The following PPFIA2 variants were observed in gnomAD, a reference collection of about 807,000 sequenced individuals.
PPFIA2 encodes the protein liprin-alpha-2.
A neutral mutation model predicts 175.5 loss-of-function variants in PPFIA2; 46 were observed. The observed-to-expected ratio is 0.26, with a 90% CI of 0.21 to 0.34. The LOEUF (loss-of-function observed/expected upper bound fraction) is 0.34. Among genes scored for constraint, PPFIA2 ranks in the 10% least tolerant of loss-of-function variants. The pLI is 1.00. For missense variants in PPFIA2, 1,179 were observed against 1,506.1 expected, an observed-to-expected ratio of 0.78 and a Z score of 3.60; for synonymous variants, 568 against 511.4, an observed-to-expected ratio of 1.11 and a Z score of -1.49.
chr12:81,328,800 T>C (rs1041699241), intron 21 of PPFIA2, among the ~76,000 whole-genome samples: 1 of 144,678 alleles, frequency 6.9e-6, no homozygotes, highest in African/African-American at 2.6e-5. Flanking sequence ...TGTTTCTTTT[T>C]TCTTTTTTTC....
intron 3 of PPFIA2, among the ~76,000 whole-genome samples, chr12:81,709,358 T>G (rs2077595499): frequency 6.6e-6 from 1 of 152,134 alleles, no homozygotes; most frequent in South Asian, 2.1e-4. Context: ...CATCATCAAA[T>G]TTTGATTTAT....
chr12:81,499,100 G>A lies in PPFIA2; in HGVS notation c.304-41234C>T, dbSNP rs145996501. Among the ~76,000 whole-genome samples, 259 of 152,296 alleles carry A rather than the reference G, an allele frequency of 1.7e-3. 2 individuals carry two copies. The highest frequency in any genetic ancestry group is 6.1e-3 in the African/African-American group (253 of 41,574). Reference sequence around the variant, plus strand: ...GTGCTGCAAGAATGTCAATACTTCTGCCACATTAATCTTTGCAGGCTTGCC... The same window carrying A: ...GTGCTGCAAGAATGTCAATACTTCTACCACATTAATCTTTGCAGGCTTGCC... On this transcript the variant is annotated intron_variant, in intron 4 of 32. Transcript: ENST00000549396.
At chr12:81,620,461 A>G (rs1297245213) in intron 4 of PPFIA2, among the ~76,000 whole-genome samples, 2 of 152,114 alleles carry the variant, frequency 1.3e-5, no homozygotes, top group African/African-American at 2.4e-5. Context: ...TAATTAAACT[A>G]TAACTAAAAC....
At chr12:81,417,886 C>T (rs1416565643) in intron 7 of PPFIA2, among the ~76,000 whole-genome samples, 1 of 151,734 alleles carries the variant, frequency 6.6e-6, no homozygotes, top group East Asian at 1.9e-4. Flanking sequence ...TCACTGTAGA[C>T]AGGACACTCT....
intron 4 of PPFIA2, among the ~76,000 whole-genome samples, chr12:81,497,523 T>C (rs2060146893): frequency 6.7e-6 from 1 of 149,662 alleles, no homozygotes; most frequent in African/African-American, 2.4e-5. Flanking sequence ...CCCTATTTCA[T>C]TGATGTCTTT....
At chr12:81,624,533 G>A (rs2062457463) in intron 4 of PPFIA2, among the ~76,000 whole-genome samples, 1 of 144,470 alleles carries the variant, frequency 6.9e-6, no homozygotes. Context: ...TATTACATAT[G>A]TATAACACAT....
rs1208897175 is a variant in PPFIA2 at position 81,642,782 on chromosome 12, TATAC to T, written c.303+34005_303+34008del. ...TACATGTATATGTATGTATGTATTA[TATAC>T]ATACATGTATATGTATGTATGTATT... On this transcript the variant is annotated intron_variant, in intron 4 of 32. Transcript: ENST00000549396. Among the ~76,000 whole-genome samples, 12 of 90,880 alleles carry T rather than the reference TATAC, an allele frequency of 1.3e-4. 5 individuals carry two copies. Among genetic ancestry groups the T allele is most frequent in the Non-Finnish European group, 2.3e-4 (11 of 47,412 alleles). 59.6% of individuals were successfully genotyped at this position (90,880 alleles called of 152,430 possible).
intron 21 of PPFIA2, among the ~76,000 whole-genome samples, chr12:81,328,387 A>C (rs7976691): frequency 6.6e-6 from 1 of 151,990 alleles, no homozygotes; most frequent in Non-Finnish European, 1.5e-5. Flanking sequence ...ATGTATTGTA[A>C]GTGTAAAATA....
At chr12:81,443,191 A>G (rs2050549978) in intron 6 of PPFIA2, among the ~76,000 whole-genome samples, 2 of 151,916 alleles carry the variant, frequency 1.3e-5, no homozygotes, top group Non-Finnish European at 2.9e-5. Context: ...TGCATATCAG[A>G]TCATATCTAA....
Position 81,754,174 on chromosome 12 carries a change from G to A in PPFIA2, c.48C>T (p.Ser16=). The change falls in exon 3 of 33, where the codon AGC becomes AGT. Residue 16 remains serine, a synonymous_variant. Coordinates refer to ENST00000549396, the MANE Select transcript of PPFIA2 (RefSeq NM_003625.5). ...MPTINEDTPM[S]QRGSQSSGSD... is the part of the protein sequence containing the mutation. ...AGCCACTGCTTTGGGACCCCCTTTG[G>A]CTCATTGGGGTGTCCTCATTAATCG... 1 of 1,611,056 alleles carries A rather than the reference G, an allele frequency of 6.2e-7. No individual in the cohort carries two copies. Among genetic ancestry groups the A allele is most frequent in the Non-Finnish European group, 8.5e-7 (1 of 1,178,440 alleles).
intron 4 of PPFIA2, among the ~76,000 whole-genome samples, chr12:81,569,841 A>AT (rs200276248): frequency 0.098 from 14,894 of 152,066 alleles, 888 homozygotes; most frequent in Middle Eastern, 0.18. Context: ...CCTTTTACTG[A>AT]TTTTTTTATA....
chr12:81,606,026 T>G (rs927969022), intron 4 of PPFIA2, among the ~76,000 whole-genome samples: 1 of 151,966 alleles, frequency 6.6e-6, no homozygotes. Context: ...GACGTCCCTC[T>G]GTACTCAATG....
Position 81,675,199 on chromosome 12 carries a change from TACAC to T in PPFIA2, c.303+1588_303+1591del, listed in dbSNP as rs34965629. 2.3e-3 allele frequency among the ~76,000 whole-genome samples: 346 copies of T among 148,638 alleles called. 1 individual carries two copies. Among genetic ancestry groups the T allele is most frequent in the African/African-American group, 7.8e-3 (319 of 40,708 alleles). ...TATAGATTGATATACTATACACACA[TACAC>T]ACACACACACACACACACATATATA... On this transcript the variant is annotated intron_variant, in intron 4 of 32. Coordinates refer to ENST00000549396, the MANE Select transcript of PPFIA2 (RefSeq NM_003625.5).
intron 4 of PPFIA2, among the ~76,000 whole-genome samples, chr12:81,523,400 G>T (rs971308314): frequency 6.6e-6 from 1 of 151,854 alleles, no homozygotes; most frequent in Non-Finnish European, 1.5e-5. Context: ...ATTCCAAAAC[G>T]TATCTTCCTA....
intron 4 of PPFIA2, among the ~76,000 whole-genome samples, chr12:81,579,648 T>G (rs1032124126): frequency 6.6e-6 from 1 of 151,812 alleles, no homozygotes; most frequent in African/African-American, 2.4e-5. Flanking sequence ...ACGAAGGAAA[T>G]AATTAAATGA....
At chr12:81,352,222 TC>T (rs1002983503) in intron 17 of PPFIA2, among the ~76,000 whole-genome samples, 19 of 152,026 alleles carry the variant, frequency 1.2e-4, no homozygotes, top group African/African-American at 3.9e-4. Flanking sequence ...GTAAAGGCTC[TC>T]AGATCCCTTA....
At chr12:81,408,492 A>T in intron 7 of PPFIA2, among the ~76,000 whole-genome samples, 1 of 152,208 alleles carries the variant, frequency 6.6e-6, no homozygotes, top group Admixed American at 6.5e-5. Context: ...AGATTAGCTT[A>T]CATTTGTTTA....
At chr12:81,594,540 T>C (rs2059036601) in intron 4 of PPFIA2, among the ~76,000 whole-genome samples, 3 of 152,178 alleles carry the variant, frequency 2.0e-5, no homozygotes, top group Admixed American at 2.0e-4. Flanking sequence ...TAACACACTG[T>C]TGTTATTTAT....
At position 81,284,303 on chromosome 12, in the gene PPFIA2, G is replaced by C. The variant is rs764926785; in HGVS notation, c.2926C>G (p.Pro976Ala). 2 of 1,586,214 alleles carry C rather than the reference G, an allele frequency of 1.3e-6. No individual in the cohort carries two copies. The highest frequency in any genetic ancestry group is 1.7e-6 in the Non-Finnish European group (2 of 1,158,748). ...TGAGTCACCCAAACGTTGCCTGAAG[G>C]CTAGTGAGGAGGCCCAGAGGGAAGC... ...SPSAPPTSRTPSGNVWVTHEE... is the reference protein window; with the variant it reads ...SPSAPPTSRTASGNVWVTHEE... Residue 976 changes from proline (P) to alanine (A), a missense_variant and splice_region_variant, in exon 25 of 33, where the codon CCT (proline) becomes GCT (alanine). Transcript: ENST00000549396.
Sources: allele counts gnomAD v4.1 joint callset (sites outside exome capture counted in the v4.1 genomes callset), GRCh38; gene constraint gnomAD v4.1.1; transcripts MANE v1.5; gene names NCBI Gene and HGNC (gene_info 2026-07-23, HGNC 2026-07-21).